The following PTPRO variants were observed in gnomAD, a reference collection of about 807,000 sequenced individuals.
The protein encoded by PTPRO is protein tyrosine phosphatase receptor type O, also known as receptor-type tyrosine-protein phosphatase O.
In PTPRO, 62 loss-of-function variants were observed where a neutral mutation model predicts 145.2. The ratio of observed to expected loss-of-function variants is 0.43; its 90% CI spans 0.35 to 0.53. The LOEUF (loss-of-function observed/expected upper bound fraction) is 0.53. Among genes scored for constraint, PTPRO ranks in the 20% least tolerant of loss-of-function variants. PTPRO has a pLI of 0.01. For synonymous variants in PTPRO, 565 were observed against 514.7 expected (o/e 1.10, Z -1.32); for missense variants, 1,345 against 1,482.7 (o/e 0.91, Z 1.53).
At chr12:15,398,330 C>A (rs908665842) in intron 1 of PTPRO, among the ~76,000 whole-genome samples, 2 of 152,124 alleles carry the variant, frequency 1.3e-5, no homozygotes, top group Admixed American at 1.3e-4. Context: ...AATCATAGTT[C>A]TTTGGCACCC....
intron 1 of PTPRO, among the ~76,000 whole-genome samples, chr12:15,358,747 A>G (rs571600372): frequency 1.3e-5 from 2 of 152,212 alleles, no homozygotes; most frequent in African/African-American, 4.8e-5. Context: ...TTTACCTGTT[A>G]TTTAATGTAA....
intron 12 of PTPRO, among the ~76,000 whole-genome samples, chr12:15,539,324 TA>T (rs1168304973): frequency 2.0e-5 from 3 of 151,968 alleles, no homozygotes; most frequent in East Asian, 3.9e-4. Context: ...TTTAAAAATT[TA>T]AAAAAAAGAA....
chr12:15,342,964 C>A (rs1397092131), intron 1 of PTPRO, among the ~76,000 whole-genome samples: 12 of 152,156 alleles, frequency 7.9e-5, no homozygotes, highest in Admixed American at 7.9e-4. Context: ...TGTGTGAAGT[C>A]CATTTAGGCA....
At chr12:15,490,203 G>A (rs181905442) in intron 2 of PTPRO, among the ~76,000 whole-genome samples, 4 of 152,294 alleles carry the variant, frequency 2.6e-5, no homozygotes, top group South Asian at 4.1e-4. Context: ...CAAGTATTTG[G>A]GGTAGTAGTT....
intron 13 of PTPRO, among the ~76,000 whole-genome samples, chr12:15,548,749 A>G (rs1371553068): frequency 6.6e-6 from 1 of 152,176 alleles, no homozygotes; most frequent in Non-Finnish European, 1.5e-5. Flanking sequence ...ACTGATATGG[A>G]AAAAGCACCA....
chr12:15,525,686 C>T (rs1942823548), intron 11 of PTPRO, among the ~76,000 whole-genome samples: 1 of 152,180 alleles, frequency 6.6e-6, no homozygotes, highest in Admixed American at 6.5e-5. Flanking sequence ...ACTTACAATC[C>T]ACTGATCAGA....
Position 15,419,056 on chromosome 12 carries a change from C to T in PTPRO, c.76-64918C>T, listed in dbSNP as rs112262975. Among the ~76,000 whole-genome samples, 228 of 151,610 alleles carry T rather than the reference C, an allele frequency of 1.5e-3. 13 individuals are homozygous for T. The highest frequency in any genetic ancestry group is 5.2e-3 in the African/African-American group (212 of 40,974). ...CATATTAAATGCTAGATCAGTCTTT[C>T]AAGTTACAGTACACAGAAGATAAAA... On this transcript the variant is annotated intron_variant, in intron 1 of 26. Transcript: ENST00000281171.
Position 15,501,945 on chromosome 12 carries a change from G to C in PTPRO, c.987G>C (p.Glu329Asp). ...MEYENNSTLS[E>D]TEKSTSGSFS... Reference sequence around the variant, plus strand: ...ACGAAAATAACAGTACACTCAGTGAGACAGAGAAGTCAACATCAGGCTCTT... The same window carrying C: ...ACGAAAATAACAGTACACTCAGTGACACAGAGAAGTCAACATCAGGCTCTT... Residue 329 changes from glutamate to aspartate, a missense_variant, in exon 5 of 27, where the codon GAG becomes GAC. Physicochemically the swap from Glu to Asp is conservative, Grantham distance 45. This residue lies in a region of PTPRO where 1,130 missense variants were observed against 1,214.7 expected (regional missense o/e 0.93). Transcript: ENST00000281171. 1 of 1,614,022 alleles carries C rather than the reference G, an allele frequency of 6.2e-7. No individual in the cohort carries two copies. The highest frequency in any genetic ancestry group is 8.5e-7 in the Non-Finnish European group (1 of 1,179,930).
chr12:15,441,872 C>T (rs1222735570), intron 1 of PTPRO, among the ~76,000 whole-genome samples: 1 of 151,924 alleles, frequency 6.6e-6, no homozygotes, highest in African/African-American at 2.4e-5. Context: ...TAAAAACTAC[C>T]AACCAATAAA....
At chr12:15,339,137 A>G (rs1283049840) in intron 1 of PTPRO, among the ~76,000 whole-genome samples, 1 of 152,174 alleles carries the variant, frequency 6.6e-6, no homozygotes, top group Non-Finnish European at 1.5e-5. Flanking sequence ...CTTGGGCTGG[A>G]GGGAGCACTG....
chr12:15,412,731 A>G (rs537369860), intron 1 of PTPRO, among the ~76,000 whole-genome samples: 1 of 152,334 alleles, frequency 6.6e-6, no homozygotes, highest in South Asian at 2.1e-4. Flanking sequence ...AAACACATTT[A>G]GTATTTATTT....
chr12:15,420,369 A>G (rs1258964536), intron 1 of PTPRO, among the ~76,000 whole-genome samples: 1 of 151,222 alleles, frequency 6.6e-6, no homozygotes, highest in East Asian at 1.9e-4. Context: ...CTAATCCTCC[A>G]CCATTGCTAC....
Position 15,456,651 on chromosome 12 carries a change from G to A in PTPRO, c.76-27323G>A, listed in dbSNP as rs115769484. ...GATTCAATGTCCTTACTAGTTATAG[G>A]TCTTTTCAGATTTTCTATTGCTCAG... is the stretch of plus-strand genomic sequence containing the variant. On this transcript the variant is annotated intron_variant, in intron 1 of 26. Coordinates refer to ENST00000281171, the MANE Select transcript of PTPRO (RefSeq NM_030667.3). Among the ~76,000 whole-genome samples, 655 of 152,116 alleles carry A rather than the reference G, an allele frequency of 4.3e-3. 1 individual carries two copies. The highest frequency in any genetic ancestry group is 0.014 in the Middle Eastern group (4 of 294).
chr12:15,509,369 TTGC>T (rs1942388363), intron 7 of PTPRO, among the ~76,000 whole-genome samples: 1 of 95,014 alleles, frequency 1.1e-5, no homozygotes, highest in Non-Finnish European at 2.3e-5. Context: ...TAACGCATTC[TTGC>T]TGAAAAAAAA....
At chr12:15,396,377 G>A (rs781096643) in intron 1 of PTPRO, among the ~76,000 whole-genome samples, 6 of 152,060 alleles carry the variant, frequency 3.9e-5, no homozygotes, top group Non-Finnish European at 7.4e-5. Context: ...TATTAGGCAT[G>A]TATCATTAAC....
intron 2 of PTPRO, 77 bp downstream of exon 2, chr12:15,484,324 ACT>A: frequency 6.4e-7 from 1 of 1,555,156 alleles, no homozygotes; most frequent in Non-Finnish European, 8.8e-7. Flanking sequence ...GAATTGACAG[ACT>A]CCACCCAGAA....
chr12:15,434,134 CAG>C (rs919475565), intron 1 of PTPRO, among the ~76,000 whole-genome samples: 4 of 152,200 alleles, frequency 2.6e-5, no homozygotes, highest in Admixed American at 2.0e-4. Flanking sequence ...ATGCCCTTTG[CAG>C]AGTTATATCC....
intron 16 of PTPRO, 43 bp from the exon 17 acceptor site, chr12:15,560,150 C>T: frequency 2.1e-6 from 3 of 1,435,958 alleles, no homozygotes; most frequent in Non-Finnish European, 2.9e-6. Context: ...CTAACTCTTG[C>T]AACTTTTTCA....
chr12:15,502,531 C>T (rs529268436), intron 5 of PTPRO, among the ~76,000 whole-genome samples: 7 of 152,304 alleles, frequency 4.6e-5, no homozygotes, highest in South Asian at 2.1e-4. Context: ...GCTAACCAGC[C>T]GCTCTTGTTC....
Sources: gnomAD v4.1 joint callset for allele counts (sites outside exome capture counted in the v4.1 genomes callset) on GRCh38, gnomAD v4.1.1 for gene constraint, gnomAD v4.1.1 regional missense constraint, MANE v1.5 for transcripts, NCBI Gene and HGNC (gene_info 2026-07-23, HGNC 2026-07-21) for gene names.